ATP6V0D2: variants seen among roughly 807,000 people sequenced by gnomAD.
The protein encoded by ATP6V0D2 is V-type proton ATPase subunit d 2.
In ATP6V0D2, 40 loss-of-function variants were observed where a neutral mutation model predicts 40.0. That is an observed-to-expected ratio of 1.00 (90% confidence interval 0.78 to 1.30). The LOEUF (loss-of-function observed/expected upper bound fraction) is 1.30, where lower values mean the gene tolerates loss of function less well. Ranked by LOEUF, ATP6V0D2 falls within the 50% of genes most tolerant of loss-of-function variation. The pLI is 0.00. For synonymous variants in ATP6V0D2, 179 were observed against 156.3 expected (o/e 1.15, Z -1.08); for missense variants, 470 against 423.1 (o/e 1.11, Z -0.97).
intron 5 of ATP6V0D2, among the ~76,000 whole-genome samples, chr8:86,143,687 G>C (rs1188264318): frequency 2.0e-5 from 3 of 152,146 alleles, no homozygotes; most frequent in African/African-American, 7.2e-5. Context: ...TTTATGACCT[G>C]TATCTTGTGC....
intron 2 of ATP6V0D2, among the ~76,000 whole-genome samples, chr8:86,132,942 C>T (rs1216422328): frequency 6.6e-6 from 1 of 152,054 alleles, no homozygotes; most frequent in East Asian, 1.9e-4. Flanking sequence ...AAATTTCTAC[C>T]AATGGTGTAT....
rs1259424482 is a variant in ATP6V0D2 at position 86,153,594 on chromosome 8, G to C, written c.*617G>C. The C allele has an allele frequency of 6.6e-6, 1 of 152,256 alleles. No homozygotes were observed. Among genetic ancestry groups the C allele is most frequent in the South Asian group, 2.1e-4 (1 of 4,824 alleles). The allele number at this position is 152,256 out of a possible 1,614,324, so 9.4% of individuals were successfully genotyped here. On this transcript the variant is annotated 3_prime_UTR_variant, in exon 8 of 8. Transcript: ENST00000285393. ...TGGTGTCGAATTCCTGGGCTCCAGG[G>C]ATCCACAGTCCCCCTTGGCCTCCCA...
intron 1 of ATP6V0D2, among the ~76,000 whole-genome samples, chr8:86,113,208 G>T (rs910507232): frequency 1.3e-5 from 2 of 151,924 alleles, no homozygotes; most frequent in Non-Finnish European, 2.9e-5. Context: ...GCCAGGCACA[G>T]TGGCTCCTGC....
intron 2 of ATP6V0D2, among the ~76,000 whole-genome samples, chr8:86,131,575 A>G (rs1338108970): frequency 2.6e-5 from 4 of 151,952 alleles, no homozygotes; most frequent in Non-Finnish European, 5.9e-5. Flanking sequence ...ATCTCAGCTC[A>G]CTGCAACTTC....
At chr8:86,127,045 C>T (rs1464095793) in intron 2 of ATP6V0D2, among the ~76,000 whole-genome samples, 1 of 152,184 alleles carries the variant, frequency 6.6e-6, no homozygotes. Context: ...ACAAGTGTGA[C>T]AGCAAAATTG....
intron 6 of ATP6V0D2, among the ~76,000 whole-genome samples, chr8:86,151,260 C>T (rs1167227601): frequency 6.6e-6 from 1 of 152,004 alleles, no homozygotes; most frequent in Non-Finnish European, 1.5e-5. Context: ...CTGAACAAGC[C>T]AATAGGCTAG....
At chr8:86,118,713 A>G (rs1818628238) in intron 2 of ATP6V0D2, among the ~76,000 whole-genome samples, 1 of 152,160 alleles carries the variant, frequency 6.6e-6, no homozygotes. Flanking sequence ...AAATGGCCCT[A>G]GTTGTGTGGA....
chr8:86,125,958 G>A lies in ATP6V0D2; in HGVS notation c.302+12078G>A, dbSNP rs536856622. On this transcript the variant is annotated intron_variant, in intron 2 of 7. Coordinates refer to ENST00000285393, the MANE Select transcript of ATP6V0D2 (RefSeq NM_152565.1). Reference sequence around the variant, plus strand: ...TTCATTAACTTATTTGTTTTTCTGAGACAGAGTCTCACTCTGTCACCCAGG... The same window carrying A: ...TTCATTAACTTATTTGTTTTTCTGAAACAGAGTCTCACTCTGTCACCCAGG... Among the ~76,000 whole-genome samples the A allele has an allele frequency of 2.7e-5, 4 of 148,724 alleles. No homozygotes were observed. In the South Asian group the frequency reaches 6.3e-4, roughly 24 times the overall value.
intron 2 of ATP6V0D2, among the ~76,000 whole-genome samples, chr8:86,137,033 C>T (rs1818906958): frequency 7.2e-6 from 1 of 139,828 alleles, no homozygotes; most frequent in Non-Finnish European, 1.5e-5. Flanking sequence ...AAATCGAAAG[C>T]GTCCTTGGCC....
chr8:86,108,068 T>C (rs1322576828), intron 1 of ATP6V0D2, among the ~76,000 whole-genome samples: 2 of 152,186 alleles, frequency 1.3e-5, no homozygotes, highest in Non-Finnish European at 1.5e-5. Context: ...GTGGGTACAA[T>C]TGAAAAAACA....
At chr8:86,114,726 A>G (rs1818570356) in intron 2 of ATP6V0D2, among the ~76,000 whole-genome samples, 1 of 152,196 alleles carries the variant, frequency 6.6e-6, no homozygotes, top group African/African-American at 2.4e-5. Flanking sequence ...CTGCACTTTT[A>G]TGACACCAAT....
In ATP6V0D2 at chr8:86,101,481, A is replaced by AG. The variant is rs1291611477; in HGVS notation, c.130+2373_130+2374insG. Among the ~76,000 whole-genome samples, 391 of 151,258 alleles carry AG rather than the reference A, an allele frequency of 2.6e-3. 2 individuals carry two copies. Among genetic ancestry groups the AG allele is most frequent in the African/African-American group, 7.5e-3 (309 of 41,060 alleles). On this transcript the variant is annotated intron_variant, in intron 1 of 7. Transcript: ENST00000285393. ...TCTCAGGAAAAAAAAAAAAAAAAAA[A>AG]AAAAGAATTCTAGAAAGTAAAAAGA...
rs1232910654 is a variant in ATP6V0D2, at chr8:86,126,252, A to ATATATATATATATG, written c.302+12383_302+12384insATGTATATATATAT. 6.8e-3 allele frequency among the ~76,000 whole-genome samples: 924 copies of ATATATATATATATG among 135,820 alleles called. 56 individuals are homozygous for ATATATATATATATG. The highest frequency in any genetic ancestry group is 0.012 in the Non-Finnish European group (752 of 62,042). The allele number at this position is 135,820 out of a possible 152,430, so 89.1% of individuals were successfully genotyped here. A position where few individuals can be genotyped will look rare whatever the true frequency, so the allele number is the denominator to read the frequency against. The stretch of plus-strand genomic sequence containing the variant: ...GTGCTCAGCCTATATATATATATAT[A>ATATATATATATATG]TATATATATATCTTTTTGTATATAG... On this transcript the variant is annotated intron_variant, in intron 2 of 7. Coordinates refer to ENST00000285393, the MANE Select transcript of ATP6V0D2 (RefSeq NM_152565.1).
rs552779083 is a variant in ATP6V0D2, at chr8:86,113,829, A to G, written c.251A>G (p.Tyr84Cys). The G allele has an allele frequency of 3.1e-6, 5 of 1,613,944 alleles. No individual in the cohort carries two copies. Among genetic ancestry groups the G allele is most frequent in the African/African-American group, 1.3e-5 (1 of 75,034 alleles). ...MRKRLCGEFE[Y>C]FRNHSLEPLS... is the part of the protein sequence containing the mutation. ...AAAAGACTATGTGGAGAATTTGAGT[A>G]TTTCCGGAATCATTCCCTGGAGCCC... Residue 84 changes from tyrosine to cysteine, a missense_variant, in exon 2 of 8, where the codon TAT (tyrosine) becomes TGT (cysteine). Transcript: ENST00000285393.
At chr8:86,147,218 C>T (rs1028349184) in intron 5 of ATP6V0D2, among the ~76,000 whole-genome samples, 4 of 152,206 alleles carry the variant, frequency 2.6e-5, no homozygotes, top group Middle Eastern at 3.4e-3. Flanking sequence ...CTGACATCTC[C>T]GCCCACTGCC....
intron 5 of ATP6V0D2, among the ~76,000 whole-genome samples, chr8:86,149,742 G>C (rs938165652): frequency 2.0e-5 from 3 of 152,088 alleles, no homozygotes; most frequent in Admixed American, 2.0e-4. Context: ...ATGTTACCTG[G>C]TTCTGCCCCT....
chr8:86,125,691 C>T (rs1011509725), intron 2 of ATP6V0D2, among the ~76,000 whole-genome samples: 1 of 152,042 alleles, frequency 6.6e-6, no homozygotes, highest in African/African-American at 2.4e-5. Flanking sequence ...AACTTTCATG[C>T]ATATCTTTCT....
intron 2 of ATP6V0D2, among the ~76,000 whole-genome samples, chr8:86,120,698 C>A (rs1818658013): frequency 6.6e-6 from 1 of 152,200 alleles, no homozygotes; most frequent in Non-Finnish European, 1.5e-5. Context: ...CACCTCTACA[C>A]AAGAACCCTG....
At chr8:86,149,684 T>C (rs1485766557) in intron 5 of ATP6V0D2, among the ~76,000 whole-genome samples, 1 of 152,212 alleles carries the variant, frequency 6.6e-6, no homozygotes, top group Non-Finnish European at 1.5e-5. Context: ...TATTAACATG[T>C]ATGGCATACA....
Sources: gnomAD v4.1 joint callset for allele counts (sites outside exome capture counted in the v4.1 genomes callset) on GRCh38, gnomAD v4.1.1 for gene constraint, MANE v1.5 for transcripts, NCBI Gene and HGNC (gene_info 2026-07-23, HGNC 2026-07-21) for gene names.